Variants in TM7SF3 observed in about 807,000 individuals in gnomAD.
TM7SF3 encodes the protein transmembrane 7 superfamily member 3.
A neutral mutation model predicts 65.5 loss-of-function variants in TM7SF3; 60 were observed. The observed-to-expected ratio is 0.92, with a 90% CI of 0.74 to 1.14. The LOEUF is 1.14. Among genes scored for constraint, TM7SF3 ranks in the 50% most tolerant of loss-of-function variants. TM7SF3 has a pLI of 0.00. For missense variants in TM7SF3, 623 were observed against 684.8 expected (o/e 0.91, Z 1.01); for synonymous variants, 264 against 259.6 (o/e 1.02, Z -0.16).
chr12:27,007,248 T>C (rs903128218), intron 1 of TM7SF3, among the ~76,000 whole-genome samples: 3 of 152,172 alleles, frequency 2.0e-5, no homozygotes, highest in African/African-American at 7.2e-5. Flanking sequence ...TGATGCCTCA[T>C]CATCTTCCTT....
At chr12:27,009,763 C>T (rs539456602) in intron 1 of TM7SF3, among the ~76,000 whole-genome samples, 1 of 152,166 alleles carries the variant, frequency 6.6e-6, no homozygotes, top group Admixed American at 6.5e-5. Flanking sequence ...ATAAAAAGTT[C>T]TCCATGTAAT....
At chr12:26,980,082 A>C in intron 8 of TM7SF3, 146 bp from the exon 9 acceptor site, 1 of 921,090 alleles carries the variant, frequency 1.1e-6, no homozygotes, top group Non-Finnish European at 1.6e-6. Context: ...TGAAGCCAGC[A>C]TAGAGCAACC....
At chr12:26,985,818 T>TTC (rs1940059384) in intron 6 of TM7SF3, among the ~76,000 whole-genome samples, 1 of 107,480 alleles carries the variant, frequency 9.3e-6, no homozygotes, top group African/African-American at 3.6e-5. Flanking sequence ...TTTTTTTTTT[T>TTC]TTTTTTTTTT....
chr12:26,973,161 T>C lies in TM7SF3; in HGVS notation c.*804A>G, dbSNP rs989751776. 6 of 139,810 alleles carry C rather than the reference T, an allele frequency of 4.3e-5. No homozygotes were observed. Among genetic ancestry groups the C allele is most frequent in the African/African-American group, 1.6e-4 (6 of 37,848 alleles). The allele number at this position is 139,810 out of a possible 1,614,324, so 8.7% of individuals were successfully genotyped here. On this transcript the variant is annotated 3_prime_UTR_variant, in exon 12 of 12. Coordinates refer to ENST00000343028, the MANE Select transcript of TM7SF3 (RefSeq NM_016551.3). Reference sequence around the variant, plus strand: ...TGCAACTAAGTAATCAGACTGCTTTTAGTAAGAAAATAAGTTTTTTTTTTT... The same window carrying C: ...TGCAACTAAGTAATCAGACTGCTTTCAGTAAGAAAATAAGTTTTTTTTTTT...
At chr12:26,994,484 T>C (rs898177246) in intron 5 of TM7SF3, among the ~76,000 whole-genome samples, 1 of 152,210 alleles carries the variant, frequency 6.6e-6, no homozygotes, top group Non-Finnish European at 1.5e-5. Context: ...GTAGCTGGTA[T>C]TACAGGCATC....
At chr12:27,002,910 T>G (rs1318326534) in intron 2 of TM7SF3, among the ~76,000 whole-genome samples, 1 of 152,196 alleles carries the variant, frequency 6.6e-6, no homozygotes, top group Admixed American at 6.5e-5. Context: ...TAAAAGTTAT[T>G]AAGGCCCCAC....
rs775150050 is a variant in TM7SF3, at chr12:26,999,018, T to C, written c.397+508A>G. ...TATTACTGCTTCTCCAAGGGCTCCC[T>C]AAATGTTTTTCGAATGAATAAACAT... On this transcript the variant is annotated intron_variant, in intron 3 of 11. Coordinates refer to ENST00000343028, the MANE Select transcript of TM7SF3 (RefSeq NM_016551.3). Among the ~76,000 whole-genome samples, 12 of 152,224 alleles carry C rather than the reference T, an allele frequency of 7.9e-5. No homozygotes were observed. In the South Asian group the frequency reaches 1.0e-3, roughly 13 times the overall value.
intron 6 of TM7SF3, among the ~76,000 whole-genome samples, chr12:26,985,122 C>T (rs76469267): frequency 0.071 from 10,800 of 152,190 alleles, 581 homozygotes; most frequent in East Asian, 0.25. Context: ...GGCCTGGGGG[C>T]CTTTCTATTT....
At chr12:26,980,097 C>T (rs1939751863) in intron 8 of TM7SF3, 161 bp from the exon 9 acceptor site, 2 of 790,896 alleles carry the variant, frequency 2.5e-6, no homozygotes, top group Non-Finnish European at 4.0e-6. Context: ...GCAACCCTCT[C>T]TAGGGAGGGG....
chr12:26,988,040 C>A (rs1940175152), intron 6 of TM7SF3, among the ~76,000 whole-genome samples: 1 of 147,730 alleles, frequency 6.8e-6, no homozygotes, highest in Non-Finnish European at 1.5e-5. Flanking sequence ...TCAAAAAAGT[C>A]AAGGTCTTAA....
Position 26,996,859 on chromosome 12 carries a change from G to A in TM7SF3, c.401C>T (p.Pro134Leu). Residue 134 changes from proline to leucine, a missense_variant, in exon 4 of 12, where the codon CCT becomes CTT. Coordinates refer to ENST00000343028, the MANE Select transcript of TM7SF3 (RefSeq NM_016551.3). ...AILLSYSERD[P>L]VPGGCNLEFD... ...CTCCAAATTACAGCCTCCAGGGACA[G>A]GATCTGGATAAGAAATAGGGAAGTT... 6.2e-7 allele frequency: 1 copy of A among 1,606,590 alleles called. No homozygotes were observed. The highest frequency in any genetic ancestry group is 8.5e-7 in the Non-Finnish European group (1 of 1,177,748).
At position 26,972,009 on chromosome 12, in the gene TM7SF3, C is replaced by T; in HGVS notation, c.*1956G>A. On this transcript the variant is annotated 3_prime_UTR_variant, in exon 12 of 12. Coordinates refer to ENST00000343028, the MANE Select transcript of TM7SF3 (RefSeq NM_016551.3). The stretch of plus-strand genomic sequence containing the variant: ...TTGAAAAAACTTTAAAAAGCAGCAT[C>T]ATTTAAATAGTGGTTAACTCATAAA... The T allele has an allele frequency of 6.6e-6, 1 of 152,198 alleles. No individual in the cohort carries two copies. Among genetic ancestry groups the T allele is most frequent in the East Asian group, 1.9e-4 (1 of 5,198 alleles). The allele number at this position is 152,198 out of a possible 1,614,324, so 9.4% of individuals were successfully genotyped here.
chr12:27,014,190 C>T lies in TM7SF3; in HGVS notation c.-22G>A. ...CCATTGCTGCCTGGGCCGGGCTGGG[C>T]CCACGCCAGGGCTGGGGAGAGGTGC... On this transcript the variant is annotated 5_prime_UTR_variant, in exon 1 of 12. Transcript: ENST00000343028. 6.4e-7 allele frequency: 1 copy of T among 1,551,400 alleles called. No individual in the cohort carries two copies.
intron 3 of TM7SF3, among the ~76,000 whole-genome samples, chr12:26,997,823 CTTTTTTTTT>C (rs3071165): frequency 1.8e-5 from 2 of 114,062 alleles, no homozygotes; most frequent in Non-Finnish European, 1.7e-5. Flanking sequence ...TTACCACTTC[CTTTTTTTTT>C]TTTTTTTTTT....
intron 1 of TM7SF3, among the ~76,000 whole-genome samples, chr12:27,011,597 T>C (rs967850157): frequency 6.6e-6 from 1 of 152,238 alleles, no homozygotes; most frequent in African/African-American, 2.4e-5. Flanking sequence ...TCAGTTTGTA[T>C]GGTTATCAGA....
At chr12:26,980,248 T>C in intron 8 of TM7SF3, 1 of 533,738 alleles carries the variant, frequency 1.9e-6, no homozygotes, top group South Asian at 2.5e-5. Flanking sequence ...AGGTATCTGT[T>C]TTCAGGTAAA....
Position 26,990,443 on chromosome 12 carries a change from T to C in TM7SF3, c.868+7A>G. 6.2e-7 allele frequency: 1 copy of C among 1,608,628 alleles called. No individual in the cohort carries two copies. The highest frequency in any genetic ancestry group is 8.5e-7 in the Non-Finnish European group (1 of 1,176,640). On this transcript the variant is annotated splice_region_variant and intron_variant, in intron 6 of 11. Coordinates refer to ENST00000343028, the MANE Select transcript of TM7SF3 (RefSeq NM_016551.3). ...GAATTTGTAAAAGTTTAAAGCCACA[T>C]ACTCACCTAGGGAAGCACAACTACC...
chr12:26,974,159 T>C lies in TM7SF3; in HGVS notation c.1519A>G (p.Arg507Gly), dbSNP rs762353907. 1.2e-6 allele frequency: 2 copies of C among 1,614,068 alleles called. No homozygotes were observed. The change falls in exon 12 of 12, where the codon AGA (arginine) becomes GGA (glycine). Residue 507 changes from arginine to glycine, a missense_variant. Coordinates refer to ENST00000343028, the MANE Select transcript of TM7SF3 (RefSeq NM_016551.3). ...SGITLQIRRERGRPFFPPHPY... is the reference protein window; with the variant it reads ...SGITLQIRREGGRPFFPPHPY... ...TGGGGAGGGAAGAACGGTCGTCCTCTCTCTCTTCGAATCTGTAACGTAATT... is the reference window on the plus strand; with the variant it reads ...TGGGGAGGGAAGAACGGTCGTCCTCCCTCTCTTCGAATCTGTAACGTAATT...
intron 1 of TM7SF3, among the ~76,000 whole-genome samples, chr12:27,009,440 G>C (rs1048278501): frequency 6.6e-6 from 1 of 151,828 alleles, no homozygotes; most frequent in Non-Finnish European, 1.5e-5. Context: ...TTTATCTAAA[G>C]AATGTTGAGA....
Sources: gnomAD v4.1 joint callset for allele counts (sites outside exome capture counted in the v4.1 genomes callset) on GRCh38, gnomAD v4.1.1 for gene constraint, MANE v1.5 for transcripts, NCBI Gene and HGNC (gene_info 2026-07-23, HGNC 2026-07-21) for gene names.